TNFAIP8: variants seen among roughly 807,000 people sequenced by gnomAD.
TNFAIP8 encodes TNF alpha induced protein 8.
A neutral mutation model predicts 13.3 loss-of-function variants in TNFAIP8; 7 were observed. That is an observed-to-expected ratio of 0.52 (90% CI 0.30 to 0.99). TNFAIP8 has a LOEUF of 0.99. Ranked by LOEUF, TNFAIP8 falls within the 50% of genes least tolerant of loss-of-function variation. The pLI, the probability that TNFAIP8 is intolerant of heterozygous loss-of-function variation, is 0.07. For synonymous variants in TNFAIP8, 94 were observed against 87.6 expected, an observed-to-expected ratio of 1.07 and a Z score of -0.41; for missense variants, 258 against 236.9, an observed-to-expected ratio of 1.09 and a Z score of -0.58.
At chr5:119,383,262 T>C (rs148500643) in intron 1 of TNFAIP8, among the ~76,000 whole-genome samples, 23 of 152,356 alleles carry the variant, frequency 1.5e-4, no homozygotes, top group African/African-American at 5.5e-4. Flanking sequence ...TCTTATTTAG[T>C]CATAAATAGG....
intron 1 of TNFAIP8, among the ~76,000 whole-genome samples, chr5:119,339,908 T>C (rs1750679391): frequency 6.6e-6 from 1 of 152,214 alleles, no homozygotes; most frequent in African/African-American, 2.4e-5. Flanking sequence ...TGGAAATAAA[T>C]GGGCTGTGGA....
intron 1 of TNFAIP8, among the ~76,000 whole-genome samples, chr5:119,321,927 C>A (rs746847440): frequency 6.6e-6 from 1 of 152,150 alleles, no homozygotes; most frequent in Non-Finnish European, 1.5e-5. Flanking sequence ...CTAATTTCCT[C>A]CCACTCCCTC....
chr5:119,335,737 C>T (rs893517890), intron 1 of TNFAIP8, among the ~76,000 whole-genome samples: 21 of 151,986 alleles, frequency 1.4e-4, no homozygotes, highest in Non-Finnish European at 2.2e-4. Context: ...GATAGAAATC[C>T]CTGCTCTTGG....
At chr5:119,296,645 C>T (rs1361347455) in intron 1 of TNFAIP8, among the ~76,000 whole-genome samples, 11 of 152,124 alleles carry the variant, frequency 7.2e-5, no homozygotes, top group Non-Finnish European at 1.5e-4. Flanking sequence ...CCTCATAAAA[C>T]GAATTAGGGA....
chr5:119,315,325 C>T (rs1022305579), intron 1 of TNFAIP8, among the ~76,000 whole-genome samples: 1 of 152,188 alleles, frequency 6.6e-6, no homozygotes. Flanking sequence ...CTCAAATGAT[C>T]CACCTATCTT....
In TNFAIP8 at chr5:119,381,856, C is replaced by G. The variant is rs1323263529; in HGVS notation, c.32-10960C>G. On this transcript the variant is annotated intron_variant, in intron 1 of 1. Coordinates refer to ENST00000504771, the MANE Select transcript of TNFAIP8 (RefSeq NM_014350.4). ...CTGAGGCAGGAGAATCGCTTGAACC[C>G]GGGAGGTGGAGGTTGCAGTGAGCCA... Among the ~76,000 whole-genome samples the G allele has an allele frequency of 3.9e-5, 6 of 152,016 alleles. No individual in the cohort carries two copies. In the East Asian group the frequency reaches 1.2e-3, roughly 29 times the overall value.
At position 119,324,318 on chromosome 5, in the gene TNFAIP8, G is replaced by C. The variant is rs1489267477; in HGVS notation, c.1+55411G>C. Among the ~76,000 whole-genome samples the C allele has an allele frequency of 1.5e-4, 14 of 94,142 alleles. 1 individual carries two copies. The East Asian group carries it at 4.4e-3, about 29-fold the overall frequency. 61.8% of individuals were successfully genotyped at this position (94,142 alleles called of 152,430 possible). On this transcript the variant is annotated intron_variant, in intron 1 of 1. Transcript: ENST00000274456. ...AAAAAAAAAAAAAAAAAAAAAAGAA[G>C]AAGTTCCAAGTTCAACATTCCCAAC...
chr5:119,300,452 T>G (rs944417050), intron 1 of TNFAIP8, among the ~76,000 whole-genome samples: 1 of 152,246 alleles, frequency 6.6e-6, no homozygotes, highest in African/African-American at 2.4e-5. Context: ...AAATGTTATT[T>G]GTAAAAGCAC....
At chr5:119,306,138 G>A (rs529562014) in intron 1 of TNFAIP8, among the ~76,000 whole-genome samples, 20 of 152,252 alleles carry the variant, frequency 1.3e-4, no homozygotes, top group South Asian at 4.1e-4. Context: ...TACCTCTAGC[G>A]TGGAGAACAA....
In TNFAIP8 at chr5:119,329,811, A is replaced by G. The variant is rs1038350899; in HGVS notation, c.1+60904A>G. 2.5e-4 allele frequency among the ~76,000 whole-genome samples: 38 copies of G among 151,474 alleles called. 1 individual carries two copies. Among genetic ancestry groups the G allele is most frequent in the Non-Finnish European group, 1.5e-5 (1 of 67,736 alleles). Reference sequence around the variant, plus strand: ...AGGATTTCCCCAGCCTTGTCTAGACATGGACCATGCAAGTCCATGTCCAGA... The same window carrying G: ...AGGATTTCCCCAGCCTTGTCTAGACGTGGACCATGCAAGTCCATGTCCAGA... On this transcript the variant is annotated intron_variant, in intron 1 of 1. Transcript: ENST00000274456.
chr5:119,276,361 AC>A (rs1252605762), intron 1 of TNFAIP8, among the ~76,000 whole-genome samples: 1 of 151,924 alleles, frequency 6.6e-6, no homozygotes, highest in Non-Finnish European at 1.5e-5. Flanking sequence ...CAAGTGATCC[AC>A]CTGCCTTGGC....
intron 1 of TNFAIP8, among the ~76,000 whole-genome samples, chr5:119,318,489 T>C (rs1292201224): frequency 6.6e-6 from 1 of 151,842 alleles, no homozygotes; most frequent in East Asian, 1.9e-4. Context: ...AGAGACGGGG[T>C]TCCCCTATGT....
chr5:119,343,400 G>A (rs923238565), intron 1 of TNFAIP8, among the ~76,000 whole-genome samples: 3 of 152,016 alleles, frequency 2.0e-5, no homozygotes, highest in Non-Finnish European at 4.4e-5. Context: ...TACTAACCTC[G>A]GTTCTGCAGA....
intron 1 of TNFAIP8, among the ~76,000 whole-genome samples, chr5:119,380,358 G>A (rs891961774): frequency 6.6e-6 from 1 of 152,188 alleles, no homozygotes; most frequent in African/African-American, 2.4e-5. Flanking sequence ...CTTCACTCTA[G>A]TGTGCTGGAT....
chr5:119,353,325 A>G (rs774731320), upstream of TNFAIP8, among the ~76,000 whole-genome samples: 1 of 152,224 alleles, frequency 6.6e-6, no homozygotes, highest in Non-Finnish European at 1.5e-5. Flanking sequence ...CCTAGTACAT[A>G]TCTGAGAGCA....
intron 1 of TNFAIP8, chr5:119,391,589 G>A (rs1022881775): frequency 7.4e-5 from 39 of 525,638 alleles, no homozygotes; most frequent in African/African-American, 5.0e-4. Flanking sequence ...GTGAAACCCC[G>A]TCTCTACTGA....
chr5:119,275,392 C>G (rs1748409282), intron 1 of TNFAIP8, among the ~76,000 whole-genome samples: 1 of 152,110 alleles, frequency 6.6e-6, no homozygotes, highest in African/African-American at 2.4e-5. Flanking sequence ...TTAAGGATAA[C>G]TCAGGTGGTT....
At chr5:119,365,066 G>A (rs1296480914) in intron 1 of TNFAIP8, among the ~76,000 whole-genome samples, 2 of 151,806 alleles carry the variant, frequency 1.3e-5, no homozygotes, top group East Asian at 3.9e-4. Flanking sequence ...TGGCCAGGCT[G>A]GTCTCAAACT....
chr5:119,372,938 G>A (rs1433182631), intron 1 of TNFAIP8, among the ~76,000 whole-genome samples: 4 of 152,160 alleles, frequency 2.6e-5, no homozygotes, highest in Admixed American at 2.0e-4. Context: ...TCCAGCCTGG[G>A]TGAAAGATTG....
Sources: allele counts gnomAD v4.1 joint callset (sites outside exome capture counted in the v4.1 genomes callset), GRCh38; gene constraint gnomAD v4.1.1; transcripts MANE v1.5; gene names NCBI Gene and HGNC (gene_info 2026-07-23, HGNC 2026-07-21).